Variants in FAM120A observed in about 807,000 individuals in gnomAD.
FAM120A encodes the protein constitutive coactivator of PPAR-gamma-like protein 1.
Under a neutral mutation model 109.7 loss-of-function variants are expected in FAM120A, and 15 were observed. That is an observed-to-expected ratio of 0.14 (90% CI 0.09 to 0.21). The LOEUF is 0.21. Among genes scored for constraint, FAM120A ranks in the 10% least tolerant of loss-of-function variants. FAM120A has a pLI of 1.00. For missense variants in FAM120A, 899 were observed against 1,439.3 expected, an observed-to-expected ratio of 0.62 and a Z score of 6.07; for synonymous variants, 493 against 572.8, an observed-to-expected ratio of 0.86 and a Z score of 1.99.
At position 93,500,879 on chromosome 9, in the gene FAM120A, C is replaced by G. The variant is rs1859771917; in HGVS notation, c.1030+1993C>G. ...GCCTACTGCCTCCTGACCTCGAGCT[C>G]CCTATTTTATAGAATGGGGTCATTA... On this transcript the variant is annotated intron_variant, in intron 5 of 17. Transcript: ENST00000277165. This position sits in a 1 kb window ranked among gnomAD's most constrained non-coding sequence, Gnocchi z 4.6. Among the ~76,000 whole-genome samples, 1 of 152,114 alleles carries G rather than the reference C, an allele frequency of 6.6e-6. No individual in the cohort carries two copies. The highest frequency in any genetic ancestry group is 2.1e-4 in the South Asian group (1 of 4,824).
Position 93,556,573 on chromosome 9 carries a change from T to C in FAM120A, c.2466T>C (p.Ile822=), listed in dbSNP as rs1862288117. The change falls in exon 13 of 18, where the codon ATT becomes ATC. Residue 822 remains isoleucine (I), a synonymous_variant. Transcript: ENST00000277165. ...CCAGCCGGGAAAAGACCCCACTCAT[T>C]GACCTCTGTGATGGTCAGGTATGCT... ...LKASREKTPL[I]DLCDGQADQA... 5 of 1,614,118 alleles carry C rather than the reference T, an allele frequency of 3.1e-6. No homozygotes were observed. Among genetic ancestry groups the C allele is most frequent in the Middle Eastern group, 1.6e-4 (1 of 6,084 alleles).
intron 1 of FAM120A, among the ~76,000 whole-genome samples, chr9:93,455,485 TATG>T (rs1329724652): frequency 6.6e-6 from 1 of 152,190 alleles, no homozygotes; most frequent in African/African-American, 2.4e-5. Context: ...AATTTTATCA[TATG>T]ATAATTTTTT....
intron 3 of FAM120A, among the ~76,000 whole-genome samples, chr9:93,488,393 C>T (rs148768489): frequency 6.6e-6 from 1 of 152,148 alleles, no homozygotes; most frequent in Non-Finnish European, 1.5e-5. Flanking sequence ...TCACCGGGGC[C>T]CTCCTGCTTG....
intron 1 of FAM120A, among the ~76,000 whole-genome samples, chr9:93,454,628 A>G (rs563690788): frequency 6.6e-6 from 1 of 152,382 alleles, no homozygotes; most frequent in East Asian, 1.9e-4. Flanking sequence ...TTAAAAAGCT[A>G]TAAAAAGCAA....
chr9:93,534,297 G>A (rs1346342429), intron 10 of FAM120A, among the ~76,000 whole-genome samples: 1 of 152,188 alleles, frequency 6.6e-6, no homozygotes, highest in East Asian at 1.9e-4. Context: ...GCCAGGGCAG[G>A]CCACAGCTTT....
intron 3 of FAM120A, among the ~76,000 whole-genome samples, chr9:93,489,919 T>C (rs1479182510): frequency 6.6e-6 from 1 of 152,190 alleles, no homozygotes; most frequent in Non-Finnish European, 1.5e-5. Flanking sequence ...TGACAGTTTC[T>C]TGGGGACTAC....
intron 7 of FAM120A, among the ~76,000 whole-genome samples, chr9:93,522,810 C>G (rs1029772430): frequency 2.0e-5 from 3 of 152,164 alleles, no homozygotes; most frequent in Admixed American, 2.0e-4. Context: ...TTGTATCCCC[C>G]TCCCCTGTTA....
At chr9:93,563,759 C>T (rs910724999) in intron 17 of FAM120A, among the ~76,000 whole-genome samples, 10 of 152,130 alleles carry the variant, frequency 6.6e-5, no homozygotes, top group Admixed American at 5.9e-4. Flanking sequence ...AAACACGTGG[C>T]AATTATCAGT....
chr9:93,501,186 T>C (rs956021503), intron 5 of FAM120A, among the ~76,000 whole-genome samples: 1 of 152,138 alleles, frequency 6.6e-6, no homozygotes, highest in Non-Finnish European at 1.5e-5. Flanking sequence ...GTATGGCAGG[T>C]GTAGTTTAGA....
intron 17 of FAM120A, among the ~76,000 whole-genome samples, chr9:93,563,307 A>C (rs1389466386): frequency 1.3e-5 from 2 of 152,196 alleles, no homozygotes; most frequent in Non-Finnish European, 2.9e-5. Flanking sequence ...CTGTAAAATG[A>C]CTGTTTGAAG....
At chr9:93,533,406 G>A (rs1588890101) in intron 10 of FAM120A, among the ~76,000 whole-genome samples, 1 of 152,206 alleles carries the variant, frequency 6.6e-6, no homozygotes, top group Non-Finnish European at 1.5e-5. Flanking sequence ...GAGAGTGATT[G>A]CTGAGCTGCT....
intron 3 of FAM120A, among the ~76,000 whole-genome samples, chr9:93,493,744 T>A (rs1859442352): frequency 6.6e-6 from 1 of 152,210 alleles, no homozygotes; most frequent in African/African-American, 2.4e-5. Context: ...CCCAGTGTCC[T>A]CCTGGGGGCT....
At chr9:93,552,265 T>C (rs891143844) in intron 12 of FAM120A, among the ~76,000 whole-genome samples, 8 of 152,258 alleles carry the variant, frequency 5.3e-5, no homozygotes, top group African/African-American at 1.7e-4. Context: ...GATATAACTT[T>C]TGAAAAACAA....
In FAM120A at chr9:93,565,707, A is replaced by AC. The variant is rs1862610478; in HGVS notation, c.*1169dup. ...ACCCTTTGATCTTAAAAAAAAAAAA[A>AC]CCACCCCCCCCTTCTGTAGCAGGAA... On this transcript the variant is annotated 3_prime_UTR_variant, in exon 18 of 18. Coordinates refer to ENST00000277165, the MANE Select transcript of FAM120A (RefSeq NM_014612.5). The AC allele has an allele frequency of 6.6e-6, 1 of 150,672 alleles. No individual in the cohort carries two copies. The allele number at this position is 150,672 out of a possible 1,614,324, so 9.3% of individuals were successfully genotyped here. A position where few individuals can be genotyped will look rare whatever the true frequency, so the allele number is the denominator to read the frequency against.
chr9:93,498,901 G>A lies in FAM120A; in HGVS notation c.1030+15G>A. ...ACATTACTTAGGTAAGTAAATAAAA[G>A]CCTGTGATCAATATTGACCATATGA... On this transcript the variant is annotated intron_variant, in intron 5 of 17. Coordinates refer to ENST00000277165, the MANE Select transcript of FAM120A (RefSeq NM_014612.5). The surrounding 1 kb of genome is among the most constrained non-coding windows in gnomAD (Gnocchi z 4.4). The A allele has an allele frequency of 7.1e-7, 1 of 1,403,406 alleles. No individual in the cohort carries two copies. The highest frequency in any genetic ancestry group is 1.0e-6 in the Non-Finnish European group (1 of 987,966). The allele number at this position is 1,403,406 out of a possible 1,614,324, so 86.9% of individuals were successfully genotyped here.
intron 5 of FAM120A, among the ~76,000 whole-genome samples, chr9:93,504,313 A>T (rs1859937139): frequency 6.6e-6 from 1 of 152,218 alleles, no homozygotes; most frequent in South Asian, 2.1e-4. Flanking sequence ...CTTTATTCTT[A>T]GAACGTGAAA....
At chr9:93,558,837 C>T (rs1862382760) in intron 15 of FAM120A, 119 bp downstream of exon 15, 1 of 1,184,162 alleles carries the variant, frequency 8.4e-7, no homozygotes, top group Non-Finnish European at 1.2e-6. Flanking sequence ...AACGGCCTTT[C>T]TTCTGGGTCC....
At chr9:93,542,211 C>T (rs1861725830) in intron 10 of FAM120A, among the ~76,000 whole-genome samples, 1 of 152,178 alleles carries the variant, frequency 6.6e-6, no homozygotes, top group Non-Finnish European at 1.5e-5. Flanking sequence ...GGGACGGTGC[C>T]TTTGCTCATG....
Position 93,552,914 on chromosome 9 carries a change from C to T in FAM120A, c.2274+2223C>T, listed in dbSNP as rs530096145. Among the ~76,000 whole-genome samples the T allele has an allele frequency of 4.5e-4, 68 of 152,260 alleles. No homozygotes were observed. The South Asian group carries it at 0.014, about 31-fold the overall frequency. On this transcript the variant is annotated intron_variant, in intron 12 of 17. Coordinates refer to ENST00000277165, the MANE Select transcript of FAM120A (RefSeq NM_014612.5). ...TATCGTCCACTCTGTGGTTGGCCATCAGAGGAGGAAAAGAGGAAGGAAAAA... is the reference window on the plus strand; with the variant it reads ...TATCGTCCACTCTGTGGTTGGCCATTAGAGGAGGAAAAGAGGAAGGAAAAA...
Sources: allele counts gnomAD v4.1 joint callset (sites outside exome capture counted in the v4.1 genomes callset), GRCh38; gene constraint gnomAD v4.1.1; non-coding constraint Gnocchi (gnomAD v3.1); transcripts MANE v1.5; gene names NCBI Gene and HGNC (gene_info 2026-07-23, HGNC 2026-07-21).